SSBP3: variants seen among roughly 807,000 people sequenced by gnomAD.
SSBP3 encodes single-stranded DNA-binding protein 3.
A neutral mutation model predicts 69.6 loss-of-function variants in SSBP3; 5 were observed. The observed-to-expected ratio is 0.07, with a 90% CI of 0.04 to 0.15. SSBP3 has a LOEUF of 0.15. SSBP3 is among the 10% of genes least tolerant of loss of function. The probability of loss-of-function intolerance (pLI) is 1.00; values close to 1 mark genes in which losing one functional copy is unlikely to be tolerated. For synonymous variants in SSBP3, 196 were observed against 193.4 expected (o/e 1.01, Z -0.11); for missense variants, 312 against 534.0 (o/e 0.58, Z 4.10).
At chr1:54,377,500 A>C (rs562075452) in intron 4 of SSBP3, among the ~76,000 whole-genome samples, 1 of 152,358 alleles carries the variant, frequency 6.6e-6, no homozygotes, top group East Asian at 1.9e-4. Context: ...GGCTTGAGGT[A>C]GGACGCCAGC....
chr1:54,250,356 G>A (rs1644805341), intron 9 of SSBP3, among the ~76,000 whole-genome samples: 1 of 152,100 alleles, frequency 6.6e-6, no homozygotes, highest in Admixed American at 6.5e-5. Context: ...AGAAGAAAGC[G>A]GTGGCTTGGG....
chr1:54,339,370 T>C (rs1557545501), intron 4 of SSBP3, among the ~76,000 whole-genome samples: 2 of 152,210 alleles, frequency 1.3e-5, no homozygotes, highest in East Asian at 1.9e-4. Flanking sequence ...ATACAGCTAA[T>C]GGTTAGAAGC....
At position 54,320,147 on chromosome 1, in the gene SSBP3, T is replaced by C. The variant is rs145848736; in HGVS notation, c.277-38620A>G. Among the ~76,000 whole-genome samples the C allele has an allele frequency of 2.6e-3, 400 of 152,196 alleles. 4 individuals carry two copies. Among genetic ancestry groups the C allele is most frequent in the African/African-American group, 8.9e-3 (369 of 41,486 alleles). On this transcript the variant is annotated intron_variant, in intron 4 of 17. Transcript: ENST00000610401. ...CTTCCAATCTAGCAGAAGAGTCAAA[T>C]GCCAGTGACTTCCAGGGTGGAAAAG...
intron 1 of SSBP3, among the ~76,000 whole-genome samples, chr1:54,412,139 G>C (rs1650011372): frequency 6.6e-6 from 1 of 151,938 alleles, no homozygotes. Flanking sequence ...CAAATCACCA[G>C]AGCCCCTCCC....
chr1:54,371,526 A>T (rs1490139807), intron 4 of SSBP3, among the ~76,000 whole-genome samples: 1 of 152,150 alleles, frequency 6.6e-6, no homozygotes, highest in Non-Finnish European at 1.5e-5. Flanking sequence ...AGACACACCC[A>T]GTTTGGTGTT....
intron 4 of SSBP3, among the ~76,000 whole-genome samples, chr1:54,285,826 G>A (rs550296672): frequency 2.6e-5 from 4 of 152,310 alleles, no homozygotes; most frequent in African/African-American, 4.8e-5. Flanking sequence ...AGTCCCCCAC[G>A]GAAGAAGAGA....
intron 4 of SSBP3, among the ~76,000 whole-genome samples, chr1:54,308,166 T>C (rs891563080): frequency 3.9e-5 from 6 of 152,118 alleles, no homozygotes; most frequent in Admixed American, 1.3e-4. Flanking sequence ...ATAATTAAAA[T>C]AACAAAGAAG....
chr1:54,316,007 T>C (rs990256739), intron 4 of SSBP3, among the ~76,000 whole-genome samples: 4 of 152,208 alleles, frequency 2.6e-5, no homozygotes, highest in African/African-American at 9.6e-5. Context: ...TCAAGGGTTT[T>C]AGCAGGAGGG....
chr1:54,364,173 T>C (rs1172152187), intron 4 of SSBP3, among the ~76,000 whole-genome samples: 2 of 152,246 alleles, frequency 1.3e-5, no homozygotes, highest in Admixed American at 6.5e-5. Flanking sequence ...CACCCATTCA[T>C]TTCTGTCCTG....
chr1:54,363,149 G>A (rs1646976646), intron 4 of SSBP3, among the ~76,000 whole-genome samples: 1 of 152,114 alleles, frequency 6.6e-6, no homozygotes, highest in Admixed American at 6.5e-5. Flanking sequence ...CTGAACAGCT[G>A]GATACTGTTT....
At chr1:54,242,473 T>C (rs1644657026) in intron 10 of SSBP3, among the ~76,000 whole-genome samples, 1 of 152,162 alleles carries the variant, frequency 6.6e-6, no homozygotes, top group Non-Finnish European at 1.5e-5. Context: ...TGCATGTGCA[T>C]TTTCCTAGGA....
chr1:54,305,603 T>C (rs1045832072), intron 4 of SSBP3, among the ~76,000 whole-genome samples: 11 of 145,296 alleles, frequency 7.6e-5, no homozygotes, highest in Non-Finnish European at 8.9e-5. Context: ...GATGCCATCA[T>C]TTAGTTATTT....
intron 4 of SSBP3, among the ~76,000 whole-genome samples, chr1:54,347,396 T>C (rs1034163008): frequency 1.3e-5 from 2 of 151,548 alleles, no homozygotes; most frequent in African/African-American, 4.9e-5. Flanking sequence ...AGATGGGGTC[T>C]TGCTATATTG....
intron 1 of SSBP3, 89 bp downstream of exon 1, chr1:54,405,864 G>GCGGGGGGGGGGGCCCCCC: frequency 7.2e-6 from 1 of 138,886 alleles, no homozygotes; most frequent in Non-Finnish European, 1.5e-5. Context: ...GCAGCCTCCG[G>GCGGGGGGGGGGGCCCCCC]CCCCCGCCCG....
At chr1:54,297,105 G>A (rs1645716662) in intron 4 of SSBP3, among the ~76,000 whole-genome samples, 1 of 152,202 alleles carries the variant, frequency 6.6e-6, no homozygotes, top group South Asian at 2.1e-4. Context: ...GCTGGATCCA[G>A]ACATCACAAA....
Position 54,227,170 on chromosome 1 carries a change from A to T in SSBP3, c.1138-10T>A. On this transcript the variant is annotated splice_polypyrimidine_tract_variant and intron_variant, in intron 17 of 17. Transcript: ENST00000610401. ...TCATGCTTGGAGAATACTGGAAAGGAGAAGCAGAGAAGGGGGGGGGGTGAG... is the reference window on the plus strand; with the variant it reads ...TCATGCTTGGAGAATACTGGAAAGGTGAAGCAGAGAAGGGGGGGGGGTGAG... The T allele has an allele frequency of 1.3e-6, 1 of 776,686 alleles. No individual in the cohort carries two copies. The highest frequency in any genetic ancestry group is 1.9e-6 in the Non-Finnish European group (1 of 522,150). The allele number at this position is 776,686 out of a possible 1,614,324, so 48.1% of individuals were successfully genotyped here.
At chr1:54,291,580 C>A (rs1399020021) in intron 4 of SSBP3, among the ~76,000 whole-genome samples, 3 of 152,254 alleles carry the variant, frequency 2.0e-5, no homozygotes, top group African/African-American at 7.2e-5. Flanking sequence ...TTTCGTCCCC[C>A]ACTCTGAGTC....
intron 4 of SSBP3, among the ~76,000 whole-genome samples, chr1:54,283,819 C>A (rs1305716802): frequency 6.6e-6 from 1 of 152,224 alleles, no homozygotes; most frequent in Non-Finnish European, 1.5e-5. Context: ...CCCTGCCTTG[C>A]CCCTGCCCGG....
chr1:54,314,686 T>A (rs748363711), intron 4 of SSBP3, among the ~76,000 whole-genome samples: 2 of 152,194 alleles, frequency 1.3e-5, no homozygotes, highest in African/African-American at 4.8e-5. Flanking sequence ...CTCAAAGGGC[T>A]CTTAAGGAAA....
Sources: gnomAD v4.1 joint callset for allele counts (sites outside exome capture counted in the v4.1 genomes callset) on GRCh38, gnomAD v4.1.1 for gene constraint, MANE v1.5 for transcripts, NCBI Gene and HGNC (gene_info 2026-07-23, HGNC 2026-07-21) for gene names.